UNC13B: variants seen among roughly 807,000 people sequenced by gnomAD.
UNC13B encodes unc-13 homolog B.
In UNC13B, 144 loss-of-function variants were observed where a neutral mutation model predicts 211.0. The observed-to-expected ratio is 0.68, with a 90% CI of 0.60 to 0.78. The LOEUF is 0.78. Ranked by LOEUF, UNC13B falls within the 30% of genes least tolerant of loss-of-function variation. The probability of loss-of-function intolerance (pLI) is 0.00; values close to 1 mark genes in which losing one functional copy is unlikely to be tolerated. For synonymous variants in UNC13B, 709 were observed against 725.8 expected (o/e 0.98, Z 0.37); for missense variants, 1,777 against 2,002.0 (o/e 0.89, Z 2.14).
intron 11 of UNC13B, among the ~76,000 whole-genome samples, chr9:35,344,345 C>T (rs1832219096): frequency 6.6e-6 from 1 of 152,062 alleles, no homozygotes; most frequent in Non-Finnish European, 1.5e-5. Context: ...CTTAGTTTTA[C>T]AATGAAAGAG....
At chr9:35,348,321 A>G (rs549571052) in intron 11 of UNC13B, among the ~76,000 whole-genome samples, 4 of 152,334 alleles carry the variant, frequency 2.6e-5, no homozygotes, top group East Asian at 1.9e-4. Context: ...CTTGGCTTCT[A>G]TAGCCATTTA....
chr9:35,310,882 G>A (rs943921507), intron 10 of UNC13B, 101 bp downstream of exon 10: 2 of 1,187,080 alleles, frequency 1.7e-6, no homozygotes, highest in Non-Finnish European at 1.2e-6. Flanking sequence ...CTGCAGCTGG[G>A]TATGGTGGTA....
chr9:35,351,847 C>T, intron 11 of UNC13B: 1 of 1,232,256 alleles, frequency 8.1e-7, no homozygotes, highest in South Asian at 4.1e-5. Context: ...TCAGCATTAC[C>T]ACAAGCTGTC....
At chr9:35,314,705 T>C (rs945756140) in intron 11 of UNC13B, among the ~76,000 whole-genome samples, 1 of 151,968 alleles carries the variant, frequency 6.6e-6, no homozygotes, top group Non-Finnish European at 1.5e-5. Flanking sequence ...TCCACCCTTC[T>C]AAGTCTCCAG....
At chr9:35,274,291 C>T (rs941376448) in intron 7 of UNC13B, among the ~76,000 whole-genome samples, 2 of 152,112 alleles carry the variant, frequency 1.3e-5, no homozygotes, top group Non-Finnish European at 2.9e-5. Context: ...CCAGGCTGGT[C>T]TCAAACTCCT....
intron 8 of UNC13B, among the ~76,000 whole-genome samples, chr9:35,296,869 T>C (rs1191299517): frequency 2.0e-5 from 3 of 152,190 alleles, no homozygotes; most frequent in African/African-American, 7.2e-5. Flanking sequence ...AATATCATGA[T>C]CACACTCAAG....
rs201901981 is a variant in UNC13B, at chr9:35,403,181, G to T, written c.12499G>T (p.Asp4167Tyr). 1 of 1,614,052 alleles carries T rather than the reference G, an allele frequency of 6.2e-7. No homozygotes were observed. The highest frequency in any genetic ancestry group is 8.5e-7 in the Non-Finnish European group (1 of 1,179,972). ...TTGTCCCTCAGGGTCTGGTGTGGAC[G>T]ATCCTGTGGGAGAAGTCTCTATTCA... ...SQTTQGSGVD[D>Y]PVGEVSIQVD... Residue 4167 changes from aspartate (D) to tyrosine (Y), a missense_variant, in exon 38 of 40, where the codon GAT (aspartate) becomes TAT (tyrosine). Transcript: ENST00000635942.
chr9:35,268,947 T>C (rs1440146320), intron 7 of UNC13B, among the ~76,000 whole-genome samples: 1 of 152,216 alleles, frequency 6.6e-6, no homozygotes, highest in Non-Finnish European at 1.5e-5. Flanking sequence ...TCTGTCATTC[T>C]TTTTTAAAAG....
intron 6 of UNC13B, 80 bp downstream of exon 6, chr9:35,243,444 C>A: frequency 7.2e-7 from 1 of 1,395,160 alleles, no homozygotes. Context: ...GGGAGGGGCC[C>A]AAGAGCATGT....
chr9:35,318,879 A>G (rs1830595338), intron 11 of UNC13B, among the ~76,000 whole-genome samples: 1 of 152,220 alleles, frequency 6.6e-6, no homozygotes, highest in Non-Finnish European at 1.5e-5. Context: ...CGTATTCCAC[A>G]TCAAGGAGTT....
At chr9:35,176,002 G>A (rs1821608898) in intron 1 of UNC13B, among the ~76,000 whole-genome samples, 2 of 143,636 alleles carry the variant, frequency 1.4e-5, no homozygotes, top group South Asian at 2.3e-4. Context: ...CTCCAGCCTG[G>A]TTGACAAAGT....
At chr9:35,236,117 A>G in intron 3 of UNC13B, among the ~76,000 whole-genome samples, 1 of 152,070 alleles carries the variant, frequency 6.6e-6, no homozygotes, top group Non-Finnish European at 1.5e-5. Flanking sequence ...TCACCTCTAA[A>G]AGTTTACTTG....
intron 11 of UNC13B, among the ~76,000 whole-genome samples, chr9:35,332,624 G>A (rs972809134): frequency 3.9e-5 from 6 of 152,014 alleles, no homozygotes; most frequent in Admixed American, 6.6e-5. Flanking sequence ...GTCTTCTAAT[G>A]GTTTCCTTGC....
chr9:35,343,677 T>C (rs911938440), intron 11 of UNC13B, among the ~76,000 whole-genome samples: 2 of 152,120 alleles, frequency 1.3e-5, no homozygotes, highest in Non-Finnish European at 1.5e-5. Context: ...GGGATGACAG[T>C]GTGCCCTTTG....
At chr9:35,211,855 G>A (rs1012831900) in intron 1 of UNC13B, among the ~76,000 whole-genome samples, 11 of 152,062 alleles carry the variant, frequency 7.2e-5, no homozygotes, top group Admixed American at 2.0e-4. Flanking sequence ...TAGCTACCCC[G>A]GAGGCTGAGG....
chr9:35,247,615 G>A (rs1436264315), intron 6 of UNC13B, among the ~76,000 whole-genome samples: 1 of 152,200 alleles, frequency 6.6e-6, no homozygotes, highest in African/African-American at 2.4e-5. Flanking sequence ...AGATAATCAT[G>A]TGGTTTTTGT....
rs1829310456 is a variant in UNC13B at position 35,295,566 on chromosome 9, G to A, written c.527-130G>A. On this transcript the variant is annotated intron_variant, in intron 7 of 39. Coordinates refer to ENST00000635942, the MANE Select transcript of UNC13B (RefSeq NM_001371189.2). ...TGCTCATGGCTCTGAGGTCGTCACT[G>A]GGCTCATGTGAAGCTCAGCTTGCTT... The A allele has an allele frequency of 3.9e-6, 3 of 762,812 alleles. No homozygotes were observed. The South Asian group carries it at 5.4e-5, about 14-fold the overall frequency. 47.3% of individuals were successfully genotyped at this position (762,812 alleles called of 1,614,324 possible). A position where few individuals can be genotyped will look rare whatever the true frequency, so the allele number is the denominator to read the frequency against.
At chr9:35,396,637 A>AGCCCTCTGGGTGGGCAGGGC in intron 27 of UNC13B, 35 bp downstream of exon 27, 1 of 1,612,432 alleles carries the variant, frequency 6.2e-7, no homozygotes, top group South Asian at 1.1e-5. Context: ...GAGGGAAGGG[A>AGCCCTCTGGGTGGGCAGGGC]GCCCTCTGGG....
At chr9:35,231,979 A>G (rs1825226713) in intron 3 of UNC13B, among the ~76,000 whole-genome samples, 1 of 151,712 alleles carries the variant, frequency 6.6e-6, no homozygotes, top group African/African-American at 2.4e-5. Flanking sequence ...TTCTCAGAAG[A>G]TTATGCTTGT....
Sources: allele counts gnomAD v4.1 joint callset (sites outside exome capture counted in the v4.1 genomes callset), GRCh38; gene constraint gnomAD v4.1.1; transcripts MANE v1.5; gene names NCBI Gene and HGNC (gene_info 2026-07-23, HGNC 2026-07-21).